PCDH15: variants seen among roughly 807,000 people sequenced by gnomAD.
The protein encoded by PCDH15 is protocadherin related 15, also known as protocadherin-15.
A neutral mutation model predicts 178.5 loss-of-function variants in PCDH15; 129 were observed. The ratio of observed to expected loss-of-function variants is 0.72; its 90% CI spans 0.63 to 0.84. The LOEUF (loss-of-function observed/expected upper bound fraction) is 0.84. PCDH15 is among the 40% of genes least tolerant of loss of function. The pLI is 0.00. For missense variants in PCDH15, 2,230 were observed against 2,099.9 expected, an observed-to-expected ratio of 1.06 and a Z score of -1.21; for synonymous variants, 800 against 732.0, an observed-to-expected ratio of 1.09 and a Z score of -1.50.
chr10:55,239,454 G>A (rs1008409756), intron 1 of PCDH15, among the ~76,000 whole-genome samples: 2 of 152,044 alleles, frequency 1.3e-5, no homozygotes, highest in African/African-American at 4.8e-5. Context: ...GCAAAGGATA[G>A]TCTCTTTAAT....
At chr10:54,407,831 G>A (rs559511940) in intron 3 of PCDH15, among the ~76,000 whole-genome samples, 1 of 152,182 alleles carries the variant, frequency 6.6e-6, no homozygotes, top group African/African-American at 2.4e-5. Context: ...TAAGGCGGGT[G>A]GATCACTTGA....
chr10:55,627,128 T>C (rs550511115), intron 2 of PCDH15, among the ~76,000 whole-genome samples: 2 of 151,750 alleles, frequency 1.3e-5, no homozygotes, highest in African/African-American at 2.4e-5. Context: ...AAGAGAAGGA[T>C]GTAACCCCCC....
intron 4 of PCDH15, among the ~76,000 whole-genome samples, chr10:54,376,112 C>T (rs2134937360): frequency 6.6e-6 from 1 of 151,332 alleles, no homozygotes; most frequent in African/African-American, 2.4e-5. Flanking sequence ...CCAGGCTGGT[C>T]TTGAACTCCT....
At chr10:53,858,864 G>A (rs1308897669) in intron 27 of PCDH15, among the ~76,000 whole-genome samples, 1 of 152,044 alleles carries the variant, frequency 6.6e-6, no homozygotes, top group Non-Finnish European at 1.5e-5. Flanking sequence ...TTGGTCTTGA[G>A]TTAAAGAGGA....
chr10:54,630,027 C>T (rs531230166), intron 2 of PCDH15, among the ~76,000 whole-genome samples: 1 of 152,130 alleles, frequency 6.6e-6, no homozygotes, highest in Non-Finnish European at 1.5e-5. Flanking sequence ...ATGCATCCAA[C>T]AAAGGAGATG....
chr10:54,851,212 A>G (rs903667826), intron 3 of PCDH15, among the ~76,000 whole-genome samples: 5 of 152,154 alleles, frequency 3.3e-5, no homozygotes, highest in Admixed American at 3.3e-4. Flanking sequence ...GCCTGTATCA[A>G]AACATCTCAT....
chr10:54,139,865 TAAGAA>T (rs1342428886), intron 14 of PCDH15, among the ~76,000 whole-genome samples: 1 of 152,076 alleles, frequency 6.6e-6, no homozygotes, highest in African/African-American at 2.4e-5. Context: ...ACAATTTTTA[TAAGAA>T]AAGATTTTGT....
At chr10:53,898,070 CA>C (rs35739217) in intron 26 of PCDH15, among the ~76,000 whole-genome samples, 1 of 146,638 alleles carries the variant, frequency 6.8e-6, no homozygotes, top group East Asian at 2.1e-4. Context: ...GGGTTCATGC[CA>C]ATCTCCTGCC....
chr10:55,595,062 C>A (rs1842912723), intron 2 of PCDH15, among the ~76,000 whole-genome samples: 1 of 151,932 alleles, frequency 6.6e-6, no homozygotes, highest in Non-Finnish European at 1.5e-5. Flanking sequence ...CATTGAAATT[C>A]ACTGAAATAT....
intron 2 of PCDH15, among the ~76,000 whole-genome samples, chr10:55,569,679 A>G (rs1291345228): frequency 1.3e-5 from 2 of 151,978 alleles, no homozygotes; most frequent in Non-Finnish European, 2.9e-5. Context: ...TGAGTCCTAC[A>G]TTACTGAAAG....
intron 27 of PCDH15, among the ~76,000 whole-genome samples, chr10:53,859,397 C>T (rs555257454): frequency 6.6e-6 from 1 of 152,254 alleles, no homozygotes; most frequent in South Asian, 2.1e-4. Flanking sequence ...GGAGAAATAA[C>T]TCTTTATTAC....
At chr10:55,443,777 T>C (rs950193673) in intron 2 of PCDH15, among the ~76,000 whole-genome samples, 1 of 152,126 alleles carries the variant, frequency 6.6e-6, no homozygotes, top group Non-Finnish European at 1.5e-5. Context: ...AGCAATTCCA[T>C]TACTGGTTAT....
At chr10:54,622,095 G>C (rs1276200379) in intron 2 of PCDH15, among the ~76,000 whole-genome samples, 1 of 141,760 alleles carries the variant, frequency 7.1e-6, no homozygotes, top group Non-Finnish European at 1.6e-5. Context: ...GTAAGAATGA[G>C]AGTCTGTGGG....
chr10:54,369,317 A>G lies in PCDH15; in HGVS notation c.319-42T>C, dbSNP rs550919080. 1.9e-6 allele frequency: 3 copies of G among 1,584,962 alleles called. No homozygotes were observed. In the South Asian group the frequency reaches 3.3e-5, roughly 18 times the overall value. ...GCATCTTTTAAAATACTAATTAAAA[A>G]CAAAGCTTCTCATCACTGTCAAAGC... On this transcript the variant is annotated intron_variant, in intron 4 of 37. Transcript: ENST00000644397.
At chr10:54,814,901 A>G (rs1189796369) in intron 3 of PCDH15, among the ~76,000 whole-genome samples, 1 of 152,082 alleles carries the variant, frequency 6.6e-6, no homozygotes, top group African/African-American at 2.4e-5. Flanking sequence ...CTTGACCTTC[A>G]TACCACCTCC....
chr10:54,340,943 G>A (rs537853485), intron 6 of PCDH15, among the ~76,000 whole-genome samples: 1 of 152,046 alleles, frequency 6.6e-6, no homozygotes, highest in Non-Finnish European at 1.5e-5. Context: ...CTGCCATTTT[G>A]CCTCTTAACG....
intron 3 of PCDH15, among the ~76,000 whole-genome samples, chr10:54,514,272 C>T (rs1772405734): frequency 6.6e-6 from 1 of 152,044 alleles, no homozygotes; most frequent in South Asian, 2.1e-4. Context: ...CTGATTCCTT[C>T]TAAAGAAAAC....
At chr10:53,931,092 A>T (rs1055802044) in intron 25 of PCDH15, among the ~76,000 whole-genome samples, 10 of 152,210 alleles carry the variant, frequency 6.6e-5, no homozygotes, top group African/African-American at 2.4e-4. Flanking sequence ...AGAATGAAAA[A>T]TCAACACCTA....
intron 2 of PCDH15, among the ~76,000 whole-genome samples, chr10:55,003,232 A>G (rs1262434371): frequency 6.6e-6 from 1 of 152,190 alleles, no homozygotes; most frequent in Non-Finnish European, 1.5e-5. Context: ...GCTACGGTCC[A>G]GGGCTTGCTT....
Sources: allele counts gnomAD v4.1 joint callset (sites outside exome capture counted in the v4.1 genomes callset), GRCh38; gene constraint gnomAD v4.1.1; transcripts MANE v1.5; gene names NCBI Gene and HGNC (gene_info 2026-07-23, HGNC 2026-07-21).